RSPH14: variants seen among roughly 807,000 people sequenced by gnomAD.
RSPH14 encodes rhabdoid tumor deletion region gene 1.
A neutral mutation model predicts 26.7 loss-of-function variants in RSPH14; 20 were observed. The ratio of observed to expected loss-of-function variants is 0.75; its 90% CI spans 0.53 to 1.09. The LOEUF (loss-of-function observed/expected upper bound fraction) is 1.09, where lower values mean the gene tolerates loss of function less well. Among genes scored for constraint, RSPH14 ranks in the 50% least tolerant of loss-of-function variants. RSPH14 has a pLI of 0.00. For synonymous variants in RSPH14, 177 were observed against 189.3 expected (o/e 0.93, Z 0.53); for missense variants, 449 against 457.2 (o/e 0.98, Z 0.16).
chr22:23,118,021 C>T (rs897782833), intron 4 of RSPH14, among the ~76,000 whole-genome samples: 1 of 152,234 alleles, frequency 6.6e-6, no homozygotes, highest in African/African-American at 2.4e-5. Context: ...TACCCCAGAC[C>T]CGCAGGCCAG....
intron 4 of RSPH14, among the ~76,000 whole-genome samples, chr22:23,130,127 GAAA>G (rs2070306876): frequency 1.9e-5 from 2 of 107,804 alleles, no homozygotes; most frequent in Admixed American, 1.9e-4. Flanking sequence ...AAGAAAGAAA[GAAA>G]GAAAGAAAGA....
At chr22:23,069,685 A>G (rs992400593) in intron 4 of RSPH14, among the ~76,000 whole-genome samples, 11 of 152,156 alleles carry the variant, frequency 7.2e-5, no homozygotes, top group African/African-American at 2.7e-4. Context: ...AGGGACGCCA[A>G]AGAGCCCCTA....
At chr22:23,158,916 T>A in the RSPH14 span, 2 of 1,614,150 alleles carry the variant, frequency 1.2e-6, no homozygotes, top group Non-Finnish European at 1.7e-6. Context: ...TGGAGGATGC[T>A]CTGAGGGAGA....
the RSPH14 span, among the ~76,000 whole-genome samples, chr22:23,177,347 C>A: frequency 6.6e-6 from 1 of 152,156 alleles, no homozygotes. Flanking sequence ...ACACAGGCAT[C>A]GCTCTCGGTG....
intron 4 of RSPH14, among the ~76,000 whole-genome samples, chr22:23,105,651 C>T (rs1169899937): frequency 6.6e-6 from 1 of 152,232 alleles, no homozygotes; most frequent in African/African-American, 2.4e-5. Context: ...GTGCTTTCTT[C>T]GCATGGTGAT....
chr22:23,087,105 A>G (rs1028107547), intron 4 of RSPH14, among the ~76,000 whole-genome samples: 2 of 152,178 alleles, frequency 1.3e-5, no homozygotes, highest in African/African-American at 4.8e-5. Flanking sequence ...TCGGTTTCTA[A>G]AATAGTATCA....
At chr22:23,085,103 G>A (rs1417027918) in intron 4 of RSPH14, among the ~76,000 whole-genome samples, 1 of 152,186 alleles carries the variant, frequency 6.6e-6, no homozygotes, top group Non-Finnish European at 1.5e-5. Context: ...CAGATAGGTG[G>A]ACATGGTTTC....
At position 23,096,981 on chromosome 22, in the gene RSPH14, G is replaced by A. The variant is rs1018287149; in HGVS notation, c.422-32848C>T. 5.3e-5 allele frequency among the ~76,000 whole-genome samples: 8 copies of A among 152,234 alleles called. No homozygotes were observed. In the East Asian group the frequency reaches 1.3e-3, roughly 26 times the overall value. ...AGAGTGGAGTTGCTGGAGAGGGTGG[G>A]GAGCCGGGTGAAGCAGCAGGGCAGT... On this transcript the variant is annotated intron_variant, in intron 4 of 6. Transcript: ENST00000216036.
intron 4 of RSPH14, among the ~76,000 whole-genome samples, chr22:23,105,754 C>T (rs919671265): frequency 6.6e-6 from 1 of 152,208 alleles, no homozygotes; most frequent in African/African-American, 2.4e-5. Context: ...TTCCCTTCAG[C>T]GACTGACACT....
chr22:23,161,071 C>A, the RSPH14 span: 2 of 1,510,464 alleles, frequency 1.3e-6, no homozygotes, highest in Admixed American at 2.1e-5. Flanking sequence ...CCATCCTCGT[C>A]ACCTGAGGCC....
At chr22:23,135,897 GA>G (rs1345726077) in intron 3 of RSPH14, 7 of 152,546 alleles carry the variant, frequency 4.6e-5, no homozygotes, top group African/African-American at 1.2e-4. Context: ...AGGAATGAAT[GA>G]GAATGCATGT....
chr22:23,138,420 G>C (rs2070519867), intron 3 of RSPH14, among the ~76,000 whole-genome samples: 1 of 152,110 alleles, frequency 6.6e-6, no homozygotes, highest in Non-Finnish European at 1.5e-5. Flanking sequence ...AATTAGCTGA[G>C]CGTGATGACA....
the RSPH14 span, among the ~76,000 whole-genome samples, chr22:23,178,931 G>A: frequency 6.6e-6 from 1 of 152,146 alleles, no homozygotes; most frequent in African/African-American, 2.4e-5. Flanking sequence ...CAAAGAGCAG[G>A]GAGTCTGATG....
At chr22:23,180,013 C>T in the RSPH14 span, 3 of 356,756 alleles carry the variant, frequency 8.4e-6, no homozygotes, top group South Asian at 7.5e-5. Flanking sequence ...GACGACTGGG[C>T]AGTGCCGGTG....
At chr22:23,072,225 G>A (rs1201114197) in intron 4 of RSPH14, among the ~76,000 whole-genome samples, 1 of 152,194 alleles carries the variant, frequency 6.6e-6, no homozygotes, top group Non-Finnish European at 1.5e-5. Context: ...TGCTTAGCTA[G>A]TGACTCTGTG....
intron 4 of RSPH14, among the ~76,000 whole-genome samples, chr22:23,073,152 TCTCA>T (rs1235692604): frequency 1.3e-5 from 2 of 152,222 alleles, no homozygotes; most frequent in African/African-American, 4.8e-5. Context: ...GCAAAGGCAC[TCTCA>T]CTGCTGCTGA....
intron 4 of RSPH14, among the ~76,000 whole-genome samples, chr22:23,111,730 G>A (rs117490377): frequency 0.016 from 2,504 of 152,300 alleles, 26 homozygotes; most frequent in Non-Finnish European, 0.027. Flanking sequence ...TACCTCCCAG[G>A]CCCCTTCCTC....
the RSPH14 span, among the ~76,000 whole-genome samples, chr22:23,165,949 A>C: frequency 6.6e-6 from 1 of 152,252 alleles, no homozygotes; most frequent in Middle Eastern, 3.4e-3. Context: ...GATAGAGACC[A>C]TCCTGGCTAA....
At chr22:23,122,668 G>A (rs1398026216) in intron 4 of RSPH14, 3 of 195,404 alleles carry the variant, frequency 1.5e-5, no homozygotes, top group Admixed American at 5.2e-5. Flanking sequence ...ATGATGTGAC[G>A]GGGGCTCCTG....
Sources: allele counts gnomAD v4.1 joint callset (sites outside exome capture counted in the v4.1 genomes callset), GRCh38; gene constraint gnomAD v4.1.1; transcripts MANE v1.5; gene names NCBI Gene and HGNC (gene_info 2026-07-23, HGNC 2026-07-21).